The following CAMK4 variants were observed in gnomAD, a reference collection of about 807,000 sequenced individuals.
CAMK4 encodes calcium/calmodulin-dependent protein kinase type IV.
In CAMK4, 22 loss-of-function variants were observed where a neutral mutation model predicts 44.9. That is an observed-to-expected ratio of 0.49 (90% CI 0.35 to 0.70). The LOEUF is 0.70. Ranked by LOEUF, CAMK4 falls within the 30% of genes least tolerant of loss-of-function variation. CAMK4 has a pLI of 0.01. For synonymous variants in CAMK4, 218 were observed against 215.4 expected (o/e 1.01, Z -0.11); for missense variants, 498 against 586.8 (o/e 0.85, Z 1.56).
intron 4 of CAMK4, among the ~76,000 whole-genome samples, chr5:111,393,064 G>A (rs417264): frequency 0.88 from 133,805 of 152,178 alleles, 59,044 homozygotes; most frequent in East Asian, 1. Flanking sequence ...CTGGTAAGTT[G>A]AAAAACTAAT....
chr5:111,327,450 A>G (rs1386905367), intron 1 of CAMK4, among the ~76,000 whole-genome samples: 2 of 152,072 alleles, frequency 1.3e-5, no homozygotes, highest in Non-Finnish European at 2.9e-5. Context: ...GCTATTGTGA[A>G]TAGTGCTACA....
At chr5:111,326,393 A>AAG in intron 1 of CAMK4, among the ~76,000 whole-genome samples, 1 of 152,098 alleles carries the variant, frequency 6.6e-6, no homozygotes, top group Admixed American at 6.6e-5. Context: ...TCCAAAAGTG[A>AAG]CATAAGAAAT....
chr5:111,417,142 G>A (rs1282713046), intron 5 of CAMK4, among the ~76,000 whole-genome samples: 1 of 151,988 alleles, frequency 6.6e-6, no homozygotes, highest in Admixed American at 6.6e-5. Flanking sequence ...GCTTACTGCA[G>A]CCTCAATCTT....
intron 7 of CAMK4, among the ~76,000 whole-genome samples, chr5:111,468,322 TA>T (rs1451442870): frequency 2.0e-5 from 3 of 152,180 alleles, no homozygotes; most frequent in Non-Finnish European, 2.9e-5. Context: ...ACTACTGGAA[TA>T]AAAATAAAAA....
intron 1 of CAMK4, among the ~76,000 whole-genome samples, chr5:111,240,545 G>A (rs1326856849): frequency 6.6e-6 from 1 of 152,016 alleles, no homozygotes; most frequent in Non-Finnish European, 1.5e-5. Flanking sequence ...CTCTCTTCTG[G>A]CGAAGGAACT....
rs570181626 is a variant in CAMK4 at position 111,379,503 on chromosome 5, C to G, written c.386+2561C>G. On this transcript the variant is annotated intron_variant, in intron 4 of 10. Transcript: ENST00000282356. Reference sequence around the variant, plus strand: ...TTCCTTTGCATGTTGTGGTCTACAACATTGACCTAGCTGATATGAACTTGG... The same window carrying G: ...TTCCTTTGCATGTTGTGGTCTACAAGATTGACCTAGCTGATATGAACTTGG... Among the ~76,000 whole-genome samples, 34 of 152,236 alleles carry G rather than the reference C, an allele frequency of 2.2e-4. 1 individual carries two copies. The South Asian group carries it at 5.2e-3, about 23-fold the overall frequency.
At chr5:111,263,840 A>G (rs985494045) in intron 1 of CAMK4, among the ~76,000 whole-genome samples, 1 of 151,940 alleles carries the variant, frequency 6.6e-6, no homozygotes, top group Non-Finnish European at 1.5e-5. Flanking sequence ...ACGTGTCACT[A>G]TGTACTTTTT....
At chr5:111,300,508 G>C (rs917469401) in intron 1 of CAMK4, among the ~76,000 whole-genome samples, 10 of 152,006 alleles carry the variant, frequency 6.6e-5, no homozygotes, top group African/African-American at 2.4e-4. Flanking sequence ...TCTTCTCAAA[G>C]AAAAAAATTT....
At chr5:111,308,880 A>G (rs2112664569) in intron 1 of CAMK4, among the ~76,000 whole-genome samples, 1 of 152,330 alleles carries the variant, frequency 6.6e-6, no homozygotes, top group Non-Finnish European at 1.5e-5. Flanking sequence ...GATGAAAAAT[A>G]ATTGAGATAT....
At chr5:111,374,591 G>A (rs1351590105) in intron 2 of CAMK4, among the ~76,000 whole-genome samples, 1 of 152,118 alleles carries the variant, frequency 6.6e-6, no homozygotes, top group East Asian at 1.9e-4. Context: ...GATGACTTTT[G>A]ATAGGAAAGT....
chr5:111,454,732 A>C (rs2112989064), intron 7 of CAMK4, among the ~76,000 whole-genome samples: 1 of 152,216 alleles, frequency 6.6e-6, no homozygotes, highest in South Asian at 2.1e-4. Context: ...TTAACTGCCA[A>C]AATGTTTTAA....
At chr5:111,402,838 G>A (rs887085689) in intron 5 of CAMK4, among the ~76,000 whole-genome samples, 1 of 152,164 alleles carries the variant, frequency 6.6e-6, no homozygotes, top group South Asian at 2.1e-4. Flanking sequence ...TTGTAATTAT[G>A]AAGAGAAACA....
chr5:111,324,271 A>G lies in CAMK4; in HGVS notation c.162-19753A>G, dbSNP rs571348621. On this transcript the variant is annotated intron_variant, in intron 1 of 10. Coordinates refer to ENST00000282356, the MANE Select transcript of CAMK4 (RefSeq NM_001744.6). ...CTCCAATTCAAAGGCAGAGATTGAT[A>G]CATTGAAAGAAGTTTCAAGATTATC... is the stretch of plus-strand genomic sequence containing the variant. Among the ~76,000 whole-genome samples, 82 of 152,124 alleles carry G rather than the reference A, an allele frequency of 5.4e-4. 3 individuals carry two copies. The South Asian group carries it at 0.016, about 30-fold the overall frequency.
At chr5:111,273,677 T>TTATATA (rs1160351356) in intron 1 of CAMK4, among the ~76,000 whole-genome samples, 496 of 40,870 alleles carry the variant, frequency 0.012, 7 homozygotes, top group Middle Eastern at 0.021. Flanking sequence ...AAAAATGCAT[T>TTATATA]TATATATATA....
intron 5 of CAMK4, among the ~76,000 whole-genome samples, chr5:111,404,420 G>A (rs532901504): frequency 6.6e-6 from 1 of 152,344 alleles, no homozygotes; most frequent in South Asian, 2.1e-4. Flanking sequence ...AACAGGGGCT[G>A]AGGGTCAGTT....
intron 1 of CAMK4, among the ~76,000 whole-genome samples, chr5:111,291,771 G>C (rs1360069294): frequency 6.6e-6 from 1 of 152,138 alleles, no homozygotes. Context: ...TTGGTCTCCT[G>C]AGGTTCTGTG....
At chr5:111,248,782 C>G (rs991605980) in intron 1 of CAMK4, among the ~76,000 whole-genome samples, 2 of 152,068 alleles carry the variant, frequency 1.3e-5, no homozygotes, top group Non-Finnish European at 2.9e-5. Context: ...GGTCTAGAGT[C>G]TAGATGTGAT....
chr5:111,239,421 C>A (rs1748889933), intron 1 of CAMK4, among the ~76,000 whole-genome samples: 1 of 152,040 alleles, frequency 6.6e-6, no homozygotes, highest in Admixed American at 6.5e-5. Context: ...ATTCATGTTT[C>A]TCAGGTTAAT....
At chr5:111,432,432 C>T (rs991431091) in intron 5 of CAMK4, among the ~76,000 whole-genome samples, 4 of 151,592 alleles carry the variant, frequency 2.6e-5, no homozygotes, top group Admixed American at 6.6e-5. Context: ...TGAATAAGGC[C>T]TACTATTTGA....
Sources: gnomAD v4.1 joint callset for allele counts (sites outside exome capture counted in the v4.1 genomes callset) on GRCh38, gnomAD v4.1.1 for gene constraint, MANE v1.5 for transcripts, NCBI Gene and HGNC (gene_info 2026-07-23, HGNC 2026-07-21) for gene names.